The following ELAVL4 variants were observed in gnomAD, a reference collection of about 807,000 sequenced individuals.
ELAVL4 encodes the protein ELAV like RNA binding protein 4, also known as ELAV-like protein 4.
In ELAVL4, 1 loss-of-function variant was observed where a neutral mutation model predicts 35.6. That is an observed-to-expected ratio of 0.03 (90% CI 0.01 to 0.13). ELAVL4 has a LOEUF of 0.13. ELAVL4 is among the 10% of genes least tolerant of loss of function. The pLI is 1.00. For synonymous variants in ELAVL4, 156 were observed against 171.0 expected, an observed-to-expected ratio of 0.91 and a Z score of 0.69; for missense variants, 267 against 464.9, an observed-to-expected ratio of 0.57 and a Z score of 3.91.
In ELAVL4 at chr1:50,143,325, A is replaced by G. The variant is rs527363989; in HGVS notation, c.10-1632A>G. ...GCAAATGGTAATAATAATGGAAGCT[A>G]CTAGTTATCAGATGTCTGCTATGCC... On this transcript the variant is annotated intron_variant, in intron 1 of 6. Coordinates refer to ENST00000371824, the MANE Select transcript of ELAVL4 (RefSeq NM_001144774.3). Among the ~76,000 whole-genome samples the G allele has an allele frequency of 9.2e-5, 14 of 152,326 alleles. No homozygotes were observed. The South Asian group carries it at 1.4e-3, about 16-fold the overall frequency.
intron 1 of ELAVL4, among the ~76,000 whole-genome samples, chr1:50,136,516 A>G (rs1196084558): frequency 2.0e-5 from 3 of 152,194 alleles, no homozygotes; most frequent in Non-Finnish European, 4.4e-5. Context: ...TTGTTCTATT[A>G]CATAAGGGTT....
At chr1:50,080,669 G>C (rs545204671) in intron 1 of ELAVL4, among the ~76,000 whole-genome samples, 4 of 152,118 alleles carry the variant, frequency 2.6e-5, no homozygotes, top group African/African-American at 7.2e-5. Flanking sequence ...GTGTCTTTGG[G>C]CATGTCGTTT....
chr1:50,163,104 A>G (rs1364636745), intron 2 of ELAVL4, among the ~76,000 whole-genome samples: 1 of 152,192 alleles, frequency 6.6e-6, no homozygotes, highest in African/African-American at 2.4e-5. Context: ...TTCTCGAGGA[A>G]TGGGTGCTCA....
chr1:50,072,986 T>C (rs1300691116), intron 1 of ELAVL4, among the ~76,000 whole-genome samples: 2 of 152,214 alleles, frequency 1.3e-5, no homozygotes, highest in Non-Finnish European at 2.9e-5. Context: ...TTAGTCCCCA[T>C]CTATACCCAG....
At chr1:50,165,597 C>A (rs112312338) in intron 2 of ELAVL4, among the ~76,000 whole-genome samples, 2 of 145,356 alleles carry the variant, frequency 1.4e-5, no homozygotes, top group East Asian at 4.0e-4. Flanking sequence ...TACATATATA[C>A]GTGTATGTAT....
At chr1:50,142,287 C>A (rs1572372747) in intron 1 of ELAVL4, among the ~76,000 whole-genome samples, 1 of 152,322 alleles carries the variant, frequency 6.6e-6, no homozygotes, top group South Asian at 2.1e-4. Flanking sequence ...GTACCCTCTA[C>A]CTCCCAGGTT....
At chr1:50,085,776 A>C (rs1158385233) in intron 1 of ELAVL4, among the ~76,000 whole-genome samples, 1 of 152,194 alleles carries the variant, frequency 6.6e-6, no homozygotes, top group Non-Finnish European at 1.5e-5. Context: ...GGCATAGTAA[A>C]TACTTTATCC....
At chr1:50,133,781 C>T (rs1389680487) in intron 1 of ELAVL4, among the ~76,000 whole-genome samples, 1 of 152,108 alleles carries the variant, frequency 6.6e-6, no homozygotes, top group Admixed American at 6.6e-5. Flanking sequence ...CATGAATGAA[C>T]ATGTAGCTAT....
chr1:50,089,608 A>G (rs748351966), intron 1 of ELAVL4, among the ~76,000 whole-genome samples: 9 of 152,136 alleles, frequency 5.9e-5, no homozygotes, highest in Non-Finnish European at 1.2e-4. Context: ...TTTAAAAATT[A>G]GCCAGGCATG....
chr1:50,106,533 A>T, upstream of ELAVL4: 1 of 634,648 alleles, frequency 1.6e-6, no homozygotes, highest in Non-Finnish European at 2.8e-6. Context: ...TGACTGGGAG[A>T]CTCGCCTGCC....
chr1:50,067,841 C>G (rs1372704168), intron 1 of ELAVL4, among the ~76,000 whole-genome samples: 1 of 152,132 alleles, frequency 6.6e-6, no homozygotes, highest in African/African-American at 2.4e-5. Context: ...CACACATGTC[C>G]TTCTTCACAT....
At chr1:50,093,993 T>C (rs1019816024) in intron 1 of ELAVL4, among the ~76,000 whole-genome samples, 2 of 152,056 alleles carry the variant, frequency 1.3e-5, no homozygotes, top group Admixed American at 6.5e-5. Flanking sequence ...TGAAACTAAG[T>C]GAGTAAATAC....
In ELAVL4 at chr1:50,109,060, T is replaced by A; in HGVS notation, c.-130T>A. The A allele has an allele frequency of 1.7e-6, 1 of 579,640 alleles. No homozygotes were observed. Among genetic ancestry groups the A allele is most frequent in the South Asian group, 5.6e-5 (1 of 17,924 alleles). 35.9% of individuals were successfully genotyped at this position (579,640 alleles called of 1,614,324 possible). ...AAATAATTGATTTGCTTTACAATCA[T>A]CCACACTGTGTTTTGTGGATCTTTA... On this transcript the variant is annotated 5_prime_UTR_variant, in exon 1 of 7. Transcript: ENST00000371824.
chr1:50,078,106 T>TTGTGTG lies in ELAVL4; in HGVS notation c.18+29956_18+29961dup, dbSNP rs56818675. 9.1e-3 allele frequency among the ~76,000 whole-genome samples: 1,317 copies of TTGTGTG among 145,054 alleles called. 6 individuals are homozygous for TTGTGTG. Among genetic ancestry groups the TTGTGTG allele is most frequent in the African/African-American group, 0.013 (518 of 39,086 alleles). Reference sequence around the variant, plus strand: ...GGCATTTAGTATACAAATATATACCTTGTGTGTGTGTGTGTGTGTGTGTGT... The same window carrying TTGTGTG: ...GGCATTTAGTATACAAATATATACCTTGTGTGTGTGTGTGTGTGTGTGTGTGTGTGT... On this transcript the variant is annotated intron_variant, in intron 1 of 6. Transcript: ENST00000448907.
chr1:50,186,893 A>G (rs140432410), intron 3 of ELAVL4, among the ~76,000 whole-genome samples: 1 of 152,342 alleles, frequency 6.6e-6, no homozygotes, highest in Non-Finnish European at 1.5e-5. Context: ...GTGGTGCTAC[A>G]TAAGCAGATG....
At chr1:50,108,423 G>A (rs1557707755), upstream of ELAVL4, among the ~76,000 whole-genome samples, 1 of 152,156 alleles carries the variant, frequency 6.6e-6, no homozygotes, top group Non-Finnish European at 1.5e-5. Flanking sequence ...AGATGAATTA[G>A]CACATTAAAG....
At chr1:50,147,352 A>T (rs1232506850) in intron 2 of ELAVL4, among the ~76,000 whole-genome samples, 1 of 152,186 alleles carries the variant, frequency 6.6e-6, no homozygotes, top group African/African-American at 2.4e-5. Context: ...ACACTACCTA[A>T]TTAATTCTAG....
In ELAVL4 at chr1:50,144,746, A is replaced by C. The variant is rs370746095; in HGVS notation, c.10-211A>C. The C allele has an allele frequency of 1.5e-5, 12 of 778,490 alleles. No homozygotes were observed. The South Asian group carries it at 1.6e-4, about 11-fold the overall frequency. The allele number at this position is 778,490 out of a possible 1,614,324, so 48.2% of individuals were successfully genotyped here. Reference sequence around the variant, plus strand: ...TCCTACTGCATTCTAGTCTGTGTTCAAAATCTATGGGCTGGCCTAAAAATA... The same window carrying C: ...TCCTACTGCATTCTAGTCTGTGTTCCAAATCTATGGGCTGGCCTAAAAATA... On this transcript the variant is annotated intron_variant, in intron 1 of 6. Transcript: ENST00000371824.
intron 1 of ELAVL4, among the ~76,000 whole-genome samples, chr1:50,056,139 T>A (rs1322308366): frequency 6.6e-6 from 1 of 152,210 alleles, no homozygotes; most frequent in Non-Finnish European, 1.5e-5. Flanking sequence ...CATGAGTTTC[T>A]GGACAAAGGG....
Sources: allele counts gnomAD v4.1 joint callset (sites outside exome capture counted in the v4.1 genomes callset), GRCh38; gene constraint gnomAD v4.1.1; transcripts MANE v1.5; gene names NCBI Gene and HGNC (gene_info 2026-07-23, HGNC 2026-07-21).